The following ADK variants were observed in gnomAD, a reference collection of about 807,000 sequenced individuals.
ADK encodes N6,N6-dimethyladenosine kinase.
In ADK, 24 loss-of-function variants were observed where a neutral mutation model predicts 44.7. The ratio of observed to expected loss-of-function variants is 0.54; its 90% confidence interval spans 0.39 to 0.76. ADK has a LOEUF of 0.76. Ranked by LOEUF, ADK falls within the 30% of genes least tolerant of loss-of-function variation. The pLI, the probability that ADK is intolerant of heterozygous loss-of-function variation, is 0.00. For missense variants in ADK, 321 were observed against 425.1 expected, an observed-to-expected ratio of 0.76 and a Z score of 2.15; for synonymous variants, 128 against 142.6, an observed-to-expected ratio of 0.90 and a Z score of 0.73.
chr10:74,553,663 C>T (rs1050645590), intron 7 of ADK, among the ~76,000 whole-genome samples: 1 of 152,078 alleles, frequency 6.6e-6, no homozygotes, highest in African/African-American at 2.4e-5. Context: ...CAAAAACAGT[C>T]TATAATAGAA....
intron 4 of ADK, chr10:74,371,551 A>C: frequency 1.7e-6 from 2 of 1,154,490 alleles, no homozygotes; most frequent in Non-Finnish European, 2.5e-6. Flanking sequence ...GGAGCCCTTG[A>C]TGTCCTGCAA....
At chr10:74,370,365 T>C (rs1388982679) in intron 4 of ADK, among the ~76,000 whole-genome samples, 1 of 152,226 alleles carries the variant, frequency 6.6e-6, no homozygotes, top group African/African-American at 2.4e-5. Context: ...TTTTTAATCC[T>C]AAGATGAATC....
intron 9 of ADK, among the ~76,000 whole-genome samples, chr10:74,668,692 G>A (rs1034134950): frequency 2.6e-5 from 4 of 152,162 alleles, no homozygotes; most frequent in African/African-American, 2.4e-5. Context: ...CTGAGATCAC[G>A]CCACTGCACT....
At chr10:74,697,213 A>T (rs764993227) in intron 10 of ADK, among the ~76,000 whole-genome samples, 16 of 152,286 alleles carry the variant, frequency 1.1e-4, no homozygotes, top group South Asian at 6.2e-4. Context: ...AAACAATTTC[A>T]GCGTAATATA....
intron 9 of ADK, chr10:74,655,289 C>T: frequency 2.1e-6 from 1 of 465,756 alleles, no homozygotes; most frequent in Non-Finnish European, 4.0e-6. Flanking sequence ...TTGAGAAGGG[C>T]CCAGCTGAAA....
chr10:74,493,286 A>G (rs1847551852), intron 6 of ADK, among the ~76,000 whole-genome samples: 1 of 151,946 alleles, frequency 6.6e-6, no homozygotes, highest in African/African-American at 2.4e-5. Context: ...GGATCAAGTG[A>G]TCCTCCCACC....
chr10:74,690,861 A>G (rs958529018), intron 10 of ADK, among the ~76,000 whole-genome samples: 3 of 152,310 alleles, frequency 2.0e-5, no homozygotes, highest in South Asian at 2.1e-4. Context: ...TAGACATTCA[A>G]TAGCTGTTGG....
intron 10 of ADK, among the ~76,000 whole-genome samples, chr10:74,694,651 T>C (rs747110845): frequency 1.3e-5 from 2 of 151,930 alleles, no homozygotes; most frequent in Non-Finnish European, 2.9e-5. Flanking sequence ...CCAGCTAATT[T>C]TTCTATTTTT....
chr10:74,292,122 C>A (rs2132483452), intron 3 of ADK, among the ~76,000 whole-genome samples: 1 of 152,272 alleles, frequency 6.6e-6, no homozygotes, highest in South Asian at 2.1e-4. Flanking sequence ...TACCTGCCTA[C>A]CTACCTACTT....
intron 6 of ADK, among the ~76,000 whole-genome samples, chr10:74,401,468 G>A (rs1010169460): frequency 4.6e-5 from 7 of 152,070 alleles, no homozygotes; most frequent in Non-Finnish European, 1.0e-4. Context: ...TCTTCTTGTT[G>A]CATTGATCCC....
At chr10:74,492,481 A>AT (rs1188843684) in intron 6 of ADK, among the ~76,000 whole-genome samples, 1 of 152,196 alleles carries the variant, frequency 6.6e-6, no homozygotes, top group Non-Finnish European at 1.5e-5. Flanking sequence ...AGAAAACAGA[A>AT]TAAGCTCATG....
chr10:74,585,377 G>C (rs962958609), intron 7 of ADK, among the ~76,000 whole-genome samples: 1 of 152,172 alleles, frequency 6.6e-6, no homozygotes, highest in Non-Finnish European at 1.5e-5. Flanking sequence ...AACCAAAAAT[G>C]ATACTGTATT....
chr10:74,456,265 C>G (rs562437954), intron 6 of ADK, among the ~76,000 whole-genome samples: 1 of 152,268 alleles, frequency 6.6e-6, no homozygotes, highest in East Asian at 1.9e-4. Context: ...CGCCCTTACT[C>G]TAAAATTGAC....
At chr10:74,420,773 GT>G (rs1844529487) in intron 6 of ADK, among the ~76,000 whole-genome samples, 1 of 152,040 alleles carries the variant, frequency 6.6e-6, no homozygotes, top group Non-Finnish European at 1.5e-5. Flanking sequence ...CAGTTTAACT[GT>G]TAAACAGTAA....
rs548355171 is a variant in ADK at position 74,675,279 on chromosome 10, A to C, written c.964+5010A>C. On this transcript the variant is annotated intron_variant, in intron 10 of 10. Coordinates refer to ENST00000539909, the MANE Select transcript of ADK (RefSeq NM_006721.4). ...TGCCATGTGTTCCTTTAGCCAGCTA[A>C]AAAGATATATGACTACATCATGGAT... Among the ~76,000 whole-genome samples the C allele has an allele frequency of 2.0e-5, 3 of 152,328 alleles. No individual in the cohort carries two copies. In the East Asian group the frequency reaches 5.8e-4, roughly 29 times the overall value.
At chr10:74,203,258 T>C (rs573093384) in intron 2 of ADK, among the ~76,000 whole-genome samples, 3 of 152,374 alleles carry the variant, frequency 2.0e-5, no homozygotes, top group Non-Finnish European at 2.9e-5. Context: ...CAGGTGACCA[T>C]AGATATATGG....
At chr10:74,515,571 G>A (rs942344787) in intron 6 of ADK, among the ~76,000 whole-genome samples, 3 of 152,162 alleles carry the variant, frequency 2.0e-5, no homozygotes, top group Non-Finnish European at 2.9e-5. Flanking sequence ...CAGTCTGCGG[G>A]ACTATCTCTC....
intron 7 of ADK, among the ~76,000 whole-genome samples, chr10:74,587,104 T>A (rs1564806628): frequency 6.6e-6 from 1 of 152,170 alleles, no homozygotes; most frequent in Non-Finnish European, 1.5e-5. Context: ...CTGATGAAGT[T>A]CCATATAAAT....
intron 9 of ADK, among the ~76,000 whole-genome samples, chr10:74,631,375 A>G (rs990220502): frequency 6.6e-6 from 1 of 150,556 alleles, no homozygotes; most frequent in Non-Finnish European, 1.5e-5. Flanking sequence ...GCTGGGTCCA[A>G]GCAATTCTCC....
Sources: allele counts gnomAD v4.1 joint callset (sites outside exome capture counted in the v4.1 genomes callset), GRCh38; gene constraint gnomAD v4.1.1; transcripts MANE v1.5; gene names NCBI Gene and HGNC (gene_info 2026-07-23, HGNC 2026-07-21).